The following NIN variants were observed in gnomAD, a reference collection of about 807,000 sequenced individuals.
The protein encoded by NIN is glycogen synthase kinase 3 beta-interacting protein.
NIN carries 137 observed loss-of-function variants against 257.6 expected under a neutral mutation model. The ratio of observed to expected loss-of-function variants is 0.53; its 90% CI spans 0.46 to 0.61. NIN has a LOEUF of 0.61. Ranked by LOEUF, NIN falls within the 20% of genes least tolerant of loss-of-function variation. The probability of loss-of-function intolerance (pLI) is 0.00; values close to 1 mark genes in which losing one functional copy is unlikely to be tolerated. For synonymous variants in NIN, 918 were observed against 919.8 expected, an observed-to-expected ratio of 1.00 and a Z score of 0.04; for missense variants, 2,439 against 2,501.2, an observed-to-expected ratio of 0.98 and a Z score of 0.53.
chr14:50,731,346 G>A (rs149453780), intron 28 of NIN, among the ~76,000 whole-genome samples: 1,802 of 151,834 alleles, frequency 0.012, 24 homozygotes, highest in Non-Finnish European at 0.017. Flanking sequence ...CCTGTCCAAC[G>A]TGGTGAAACC....
chr14:50,742,165 G>C (rs2140505761), intron 24 of NIN: 1 of 153,892 alleles, frequency 6.5e-6, no homozygotes, highest in Admixed American at 6.5e-5. Context: ...AGGAATCCCA[G>C]TACTTTAGGA....
intron 21 of NIN, among the ~76,000 whole-genome samples, chr14:50,748,750 C>T (rs1009984309): frequency 6.6e-6 from 1 of 152,084 alleles, no homozygotes; most frequent in Non-Finnish European, 1.5e-5. Context: ...ATACAACTTA[C>T]AAGGGACATG....
intron 28 of NIN, among the ~76,000 whole-genome samples, chr14:50,731,982 C>T (rs1161176321): frequency 2.0e-5 from 3 of 152,200 alleles, no homozygotes; most frequent in Admixed American, 6.5e-5. Flanking sequence ...ACACAAGAGA[C>T]TCGAGAACTG....
At chr14:50,755,898 C>G (rs897097514) in intron 18 of NIN, among the ~76,000 whole-genome samples, 1 of 152,002 alleles carries the variant, frequency 6.6e-6, no homozygotes, top group Non-Finnish European at 1.5e-5. Context: ...AACTCCTGGC[C>G]TCAAGAAATC....
At chr14:50,742,841 G>A (rs1435108312) in intron 24 of NIN, among the ~76,000 whole-genome samples, 4 of 152,068 alleles carry the variant, frequency 2.6e-5, no homozygotes, top group Non-Finnish European at 5.9e-5. Context: ...CTATAAATTA[G>A]GAACAAGCAG....
In NIN at chr14:50,767,572, CTT is replaced by C. The variant is rs552347497; in HGVS notation, c.1435-684_1435-683del. Reference sequence around the variant, plus strand: ...GTGGCTCACGCCTGTAATCCCAGCACTTTGGGAGGCCAAGGTGGGCGGATCAT... The same window carrying C: ...GTGGCTCACGCCTGTAATCCCAGCACTGGGAGGCCAAGGTGGGCGGATCAT... On this transcript the variant is annotated intron_variant, in intron 12 of 30. Coordinates refer to ENST00000530997, the MANE Select transcript of NIN (RefSeq NM_020921.4). 6.8e-3 allele frequency among the ~76,000 whole-genome samples: 1,029 copies of C among 152,304 alleles called. 14 individuals carry two copies. Among genetic ancestry groups the C allele is most frequent in the African/African-American group, 0.024 (988 of 41,550 alleles).
intron 3 of NIN, among the ~76,000 whole-genome samples, chr14:50,813,825 A>G (rs1863955211): frequency 6.6e-6 from 1 of 152,244 alleles, no homozygotes; most frequent in African/African-American, 2.4e-5. Context: ...TGTAACTAAT[A>G]CAAACTTAGT....
At chr14:50,725,391 T>G (rs2040369502) in intron 30 of NIN, among the ~76,000 whole-genome samples, 1 of 152,086 alleles carries the variant, frequency 6.6e-6, no homozygotes, top group Admixed American at 6.6e-5. Flanking sequence ...AGCAGGCTGT[T>G]TAAGTGGTCC....
chr14:50,766,307 C>T lies in NIN; in HGVS notation c.1635G>A (p.Arg545=). The change falls in exon 14 of 31, where the codon AGG becomes AGA. Residue 545 remains arginine, a splice_region_variant and synonymous_variant. Coordinates refer to ENST00000530997, the MANE Select transcript of NIN (RefSeq NM_020921.4). ...TACTCAGTTCTCTTTGTCTACCTAC[C>T]CTGCACTGCCGCTCATATTCATTTC... ...QMRNEYERQC[R]VLQDQVDELQ... The T allele has an allele frequency of 6.2e-7, 1 of 1,612,812 alleles. No individual in the cohort carries two copies. The highest frequency in any genetic ancestry group is 1.7e-5 in the Admixed American group (1 of 60,016).
chr14:50,756,401 G>A, intron 18 of NIN, 91 bp downstream of exon 18: 25 of 1,343,256 alleles, frequency 1.9e-5, no homozygotes, highest in Non-Finnish European at 2.4e-5. Flanking sequence ...AAGACTACTA[G>A]GTTAGTTTCT....
intron 3 of NIN, among the ~76,000 whole-genome samples, chr14:50,807,608 C>A (rs1042929966): frequency 1.3e-5 from 2 of 152,150 alleles, no homozygotes. Flanking sequence ...TGACATAGAA[C>A]CCCCATGTAA....
intron 26 of NIN, 73 bp from the exon 27 acceptor site, chr14:50,738,359 A>G: frequency 4.3e-6 from 6 of 1,380,642 alleles, no homozygotes; most frequent in Non-Finnish European, 5.1e-6. Flanking sequence ...AAACATAGGG[A>G]AAGTTTTAAT....
chr14:50,801,653 A>T (rs969698556), intron 4 of NIN, among the ~76,000 whole-genome samples: 6 of 152,242 alleles, frequency 3.9e-5, no homozygotes, highest in Non-Finnish European at 8.8e-5. Flanking sequence ...GTGACAGGCC[A>T]TAAGACCTGG....
intron 28 of NIN, among the ~76,000 whole-genome samples, chr14:50,730,541 C>G (rs571079920): frequency 9.7e-4 from 144 of 148,834 alleles, no homozygotes; most frequent in Middle Eastern, 3.5e-3. Flanking sequence ...CTCTAAGACT[C>G]GGCTATAACT....
In NIN at chr14:50,756,928, G is replaced by C. The variant is rs1566810541; in HGVS notation, c.4102C>G (p.Gln1368Glu). Residue 1368 changes from glutamine (Q) to glutamate (E), a missense_variant, in exon 18 of 31, where the codon CAG becomes GAG. Gln to Glu is a conservative substitution (Grantham distance 29). Around this residue, in one of 3 missense-constraint regions of NIN, gnomAD observed 2,043 missense variants for 2,050.2 expected, o/e 1.00. Transcript: ENST00000530997. ...CTGGGCACACACTCTTCCAGTGTCTGATTGAGCTGGAGTATATTTCCATCA... is the reference window on the plus strand; with the variant it reads ...CTGGGCACACACTCTTCCAGTGTCTCATTGAGCTGGAGTATATTTCCATCA... ...EPDGNILQLN[Q>E]TLEECVPRVR... is the part of the protein sequence containing the mutation. The C allele has an allele frequency of 1.3e-6, 2 of 1,573,070 alleles. No homozygotes were observed. Among genetic ancestry groups the C allele is most frequent in the East Asian group, 2.3e-5 (1 of 42,814 alleles).
intron 25 of NIN, among the ~76,000 whole-genome samples, chr14:50,740,318 C>T (rs55744809): frequency 0.24 from 35,997 of 150,066 alleles, 4,522 homozygotes; most frequent in Middle Eastern, 0.33. Context: ...TTCCAAGTAG[C>T]TGGGATTATG....
intron 4 of NIN, among the ~76,000 whole-genome samples, chr14:50,799,916 A>C (rs2044010758): frequency 6.6e-6 from 1 of 152,052 alleles, no homozygotes; most frequent in Non-Finnish European, 1.5e-5. Flanking sequence ...CAGAGGTTGC[A>C]GTGAGCCGAG....
At chr14:50,770,234 C>G (rs2042675019) in intron 12 of NIN, among the ~76,000 whole-genome samples, 154 bp downstream of exon 12, 1 of 152,184 alleles carries the variant, frequency 6.6e-6, no homozygotes, top group African/African-American at 2.4e-5. Flanking sequence ...CAGATTTTAG[C>G]AGGGCCCTGC....
At chr14:50,744,646 C>G (rs967277316) in intron 22 of NIN, among the ~76,000 whole-genome samples, 1 of 152,150 alleles carries the variant, frequency 6.6e-6, no homozygotes, top group Non-Finnish European at 1.5e-5. Flanking sequence ...CCAGTCAAGA[C>G]TATAGAATTG....
Sources: allele counts gnomAD v4.1 joint callset (sites outside exome capture counted in the v4.1 genomes callset), GRCh38; gene constraint gnomAD v4.1.1; regional missense constraint gnomAD v4.1.1; transcripts MANE v1.5; gene names NCBI Gene and HGNC (gene_info 2026-07-23, HGNC 2026-07-21).